The following ZNF562 variants were observed in gnomAD, a reference collection of about 807,000 sequenced individuals.
The protein encoded by ZNF562 is zinc finger protein 562.
A neutral mutation model predicts 17.5 loss-of-function variants in ZNF562; 13 were observed. That is an observed-to-expected ratio of 0.74 (90% CI 0.48 to 1.18). The LOEUF (loss-of-function observed/expected upper bound fraction) is 1.18, where lower values mean the gene tolerates loss of function less well. Among genes scored for constraint, ZNF562 ranks in the 50% most tolerant of loss-of-function variants. The pLI, the probability that ZNF562 is intolerant of heterozygous loss-of-function variation, is 0.00. For synonymous variants in ZNF562, 163 were observed against 165.4 expected (o/e 0.99, Z 0.11); for missense variants, 481 against 498.5 (o/e 0.96, Z 0.33).
intron 1 of ZNF562, among the ~76,000 whole-genome samples, chr19:9,667,718 G>C (rs914381408): frequency 1.3e-5 from 2 of 151,928 alleles, no homozygotes; most frequent in Non-Finnish European, 2.9e-5. Flanking sequence ...AGCCTCCCGA[G>C]TAGCTAGAAC....
rs1248922270 is a variant in ZNF562, at chr19:9,658,136, C to T, written c.115-1G>A. 6.2e-7 allele frequency: 1 copy of T among 1,612,240 alleles called. No individual in the cohort carries two copies. Among genetic ancestry groups the T allele is most frequent in the Non-Finnish European group, 8.5e-7 (1 of 1,179,118 alleles). ...CCACATCATCAAACGTCACTGAATC[C>T]TAAGTCATCAAACACATGCTGGTTT... On this transcript the variant is annotated splice_acceptor_variant, in intron 3 of 5. Transcript: ENST00000453372. LOFTEE classifies it high-confidence loss of function.
chr19:9,662,790 C>T (rs1222100808), intron 1 of ZNF562, among the ~76,000 whole-genome samples: 1 of 151,330 alleles, frequency 6.6e-6, no homozygotes, highest in Non-Finnish European at 1.5e-5. Flanking sequence ...TGAGGCAGGA[C>T]AATGGCGTGA....
At chr19:9,666,722 C>T (rs543214044) in intron 1 of ZNF562, among the ~76,000 whole-genome samples, 1 of 151,902 alleles carries the variant, frequency 6.6e-6, no homozygotes, top group East Asian at 1.9e-4. Flanking sequence ...AGAAATACAA[C>T]CAATCATTAG....
chr19:9,657,243 CAT>C (rs1207683213), intron 4 of ZNF562, among the ~76,000 whole-genome samples: 3 of 150,920 alleles, frequency 2.0e-5, no homozygotes, highest in African/African-American at 7.3e-5. Flanking sequence ...GGATAAAGAG[CAT>C]ATATCAAAAT....
intron 1 of ZNF562, among the ~76,000 whole-genome samples, chr19:9,667,072 C>G: frequency 6.6e-6 from 1 of 152,088 alleles, no homozygotes; most frequent in Middle Eastern, 3.2e-3. Context: ...ACAACAACAA[C>G]AAAACTACAC....
At chr19:9,672,147 T>C (rs1367684228) in intron 1 of ZNF562, among the ~76,000 whole-genome samples, 1 of 152,184 alleles carries the variant, frequency 6.6e-6, no homozygotes, top group Non-Finnish European at 1.5e-5. Flanking sequence ...ATAACTGTTA[T>C]AGGCAAAAAG....
intron 5 of ZNF562, 95 bp downstream of exon 5, chr19:9,656,452 T>G: frequency 7.3e-6 from 10 of 1,378,206 alleles, no homozygotes; most frequent in Non-Finnish European, 1.0e-5. Flanking sequence ...GAGGTTGCGG[T>G]GAGCTGAGAT....
Position 9,659,380 on chromosome 19 carries a change from T to C in ZNF562, c.113A>G (p.Gln38Arg). 1 of 1,550,882 alleles carries C rather than the reference T, an allele frequency of 6.4e-7. No homozygotes were observed. The highest frequency in any genetic ancestry group is 1.4e-5 in the African/African-American group (1 of 73,146). Residue 38 changes from glutamine to arginine, a missense_variant and splice_region_variant, in exon 3 of 6, where the codon CAG becomes CGG. Coordinates refer to ENST00000453372, the MANE Select transcript of ZNF562 (RefSeq NM_001130031.2). The part of the protein sequence containing the change: ...MVEDHRSNSY[Q>R]DSVTFDDVAV... Reference sequence around the variant, plus strand: ...TACAACGGTACATTTTCTGTTTACCTGGTAAGAATTTGACCGGTGGTCCTC... The same window carrying C: ...TACAACGGTACATTTTCTGTTTACCCGGTAAGAATTTGACCGGTGGTCCTC...
In ZNF562 at chr19:9,649,383, G is replaced by T. The variant is rs1356644297; in HGVS notation, c.*3566C>A. On this transcript the variant is annotated 3_prime_UTR_variant, in exon 6 of 6. Transcript: ENST00000453372. ...GATAACAGCAATGTTTAGGAAACAA[G>T]AGAGATAACCTTAAATTCTGACCGC... is the stretch of plus-strand genomic sequence containing the variant. The T allele has an allele frequency of 1.3e-5, 2 of 152,200 alleles. No individual in the cohort carries two copies. Among genetic ancestry groups the T allele is most frequent in the Non-Finnish European group, 2.9e-5 (2 of 68,032 alleles). The allele number at this position is 152,200 out of a possible 1,614,324, so 9.4% of individuals were successfully genotyped here.
chr19:9,653,145 T>C lies in ZNF562; in HGVS notation c.1085A>G (p.His362Arg), dbSNP rs780194275. ...TTTCTCTCCAGTGTGATTTCGTATG[T>C]GTATAGCAAGGCCCGTGTACTGAGT... Reference protein sequence around the residue: ...AFTQYTGLAIHIRNHTGEKPY... With the variant: ...AFTQYTGLAIRIRNHTGEKPY... The change falls in exon 6 of 6, where the codon CAC becomes CGC. Residue 362 changes from histidine to arginine, a missense_variant. Around this residue, in one of 2 missense-constraint regions of ZNF562, gnomAD observed 78 missense variants for 112.0 expected, o/e 0.70. Transcript: ENST00000453372. 6.2e-7 allele frequency: 1 copy of C among 1,612,694 alleles called. No homozygotes were observed. Among genetic ancestry groups the C allele is most frequent in the Non-Finnish European group, 8.5e-7 (1 of 1,179,114 alleles).
intron 2 of ZNF562, 110 bp downstream of exon 2, chr19:9,660,610 G>GAAAA: frequency 8.7e-6 from 8 of 921,492 alleles, no homozygotes; most frequent in South Asian, 4.0e-5. Flanking sequence ...CCATCTAAAA[G>GAAAA]AAAAAAAAAA....
intron 2 of ZNF562, among the ~76,000 whole-genome samples, 180 bp from the exon 3 acceptor site, chr19:9,659,647 T>C (rs1383256011): frequency 6.6e-6 from 1 of 152,030 alleles, no homozygotes; most frequent in Non-Finnish European, 1.5e-5. Context: ...GAAAAGCAGA[T>C]ATGGGCTGAG....
In ZNF562 at chr19:9,673,482, G is replaced by C. The variant is rs146956263; in HGVS notation, c.-131+1533C>G. 7.2e-3 allele frequency among the ~76,000 whole-genome samples: 1,090 copies of C among 152,102 alleles called. 13 individuals carry two copies. Among genetic ancestry groups the C allele is most frequent in the African/African-American group, 0.025 (1,023 of 41,500 alleles). ...CCGGCTAATTTTTGTATTTTTAGTA[G>C]AGACAGGGTTTTACCATGTTGGCTA... On this transcript the variant is annotated intron_variant, in intron 1 of 5. Transcript: ENST00000453372.
chr19:9,661,910 G>A (rs575219520), intron 1 of ZNF562, among the ~76,000 whole-genome samples: 2 of 152,126 alleles, frequency 1.3e-5, no homozygotes, highest in Non-Finnish European at 2.9e-5. Flanking sequence ...GACTACAGGT[G>A]CACACCACTG....
intron 3 of ZNF562, chr19:9,658,412 C>A: frequency 1.1e-6 from 1 of 909,408 alleles, no homozygotes; most frequent in Non-Finnish European, 1.3e-6. Context: ...TGCAATGGCA[C>A]GATCTCGGCT....
rs184416715 is a variant in ZNF562 at position 9,651,247 on chromosome 19, G to A, written c.*1702C>T. ...CTGGTGAGGTGTCATTGGGGAATGAGGAACATGCTATTGGGAAATGAAGAA... is the reference window on the plus strand; with the variant it reads ...CTGGTGAGGTGTCATTGGGGAATGAAGAACATGCTATTGGGAAATGAAGAA... On this transcript the variant is annotated 3_prime_UTR_variant, in exon 6 of 6. Coordinates refer to ENST00000453372, the MANE Select transcript of ZNF562 (RefSeq NM_001130031.2). 6.6e-6 allele frequency: 1 copy of A among 152,192 alleles called. No homozygotes were observed. The highest frequency in any genetic ancestry group is 2.4e-5 in the African/African-American group (1 of 41,444). 9.4% of individuals were successfully genotyped at this position (152,192 alleles called of 1,614,324 possible). A position where few individuals can be genotyped will look rare whatever the true frequency, so the allele number is the denominator to read the frequency against.
chr19:9,658,116 T>A lies in ZNF562; in HGVS notation c.134A>T (p.Asp45Val). The A allele has an allele frequency of 6.2e-7, 1 of 1,613,474 alleles. No individual in the cohort carries two copies. Among genetic ancestry groups the A allele is most frequent in the East Asian group, 2.2e-5 (1 of 44,874 alleles). ...NSYQDSVTFD[D>V]VAVEFTPEEW... is the part of the protein sequence containing the mutation. The stretch of plus-strand genomic sequence containing the variant: ...CTCTGGGGTGAACTCCACAGCCACA[T>A]CATCAAACGTCACTGAATCCTAAGT... The change falls in exon 4 of 6, where the codon GAT (aspartate) becomes GTT (valine). Residue 45 changes from aspartate (D) to valine (V), a missense_variant. By Grantham distance (152) the Asp-to-Val change is radical. Coordinates refer to ENST00000453372, the MANE Select transcript of ZNF562 (RefSeq NM_001130031.2).
intron 5 of ZNF562, among the ~76,000 whole-genome samples, chr19:9,654,725 G>A (rs752112200): frequency 4.1e-4 from 63 of 152,048 alleles, no homozygotes; most frequent in Admixed American, 3.9e-4. Flanking sequence ...GGAATTACAG[G>A]CATGAGGCAC....
chr19:9,653,431 T>A lies in ZNF562; in HGVS notation c.799A>T (p.Lys267Ter). The change falls in exon 6 of 6, where the codon AAA (lysine) becomes TAA (stop). Residue 267 changes from lysine (K) to a stop codon, truncating the protein, a stop_gained. Transcript: ENST00000453372. LOFTEE classifies it low-confidence loss of function (END_TRUNC). ...KKSEKTKNCG[K>*]SFTNFSQLSA... ...AGTTGAGAAAAATTAGTGAAGGATT[T>A]CCCACAGTTCTTAGTCTTTTCGGAT... 1 of 1,614,216 alleles carries A rather than the reference T, an allele frequency of 6.2e-7. No homozygotes were observed. Among genetic ancestry groups the A allele is most frequent in the Non-Finnish European group, 8.5e-7 (1 of 1,180,042 alleles).
Sources: allele counts gnomAD v4.1 joint callset (sites outside exome capture counted in the v4.1 genomes callset), GRCh38; gene constraint gnomAD v4.1.1; regional missense constraint gnomAD v4.1.1; transcripts MANE v1.5; gene names NCBI Gene and HGNC (gene_info 2026-07-23, HGNC 2026-07-21).